Variants in CYSLTR1 observed in about 807,000 individuals in gnomAD.
CYSLTR1 encodes cysteinyl leukotriene receptor 1.
In CYSLTR1, 1 loss-of-function variant was observed where a neutral mutation model predicts 2.1. The observed-to-expected ratio is 0.48, with a 90% CI of 0.17 to 2.28. The LOEUF (loss-of-function observed/expected upper bound fraction) is 2.28. Among genes scored for constraint, CYSLTR1 ranks in the 30% most tolerant of loss-of-function variants. CYSLTR1 has a pLI of 0.26. For missense variants in CYSLTR1, 299 were observed against 250.1 expected, an observed-to-expected ratio of 1.20 and a Z score of -1.32; for synonymous variants, 110 against 89.6, an observed-to-expected ratio of 1.23 and a Z score of -1.28.
intron 1 of CYSLTR1, among the ~76,000 whole-genome samples, chrX:78,302,030 G>A (rs891018447): frequency 1.8e-5 from 2 of 111,651 alleles, no homozygotes; most frequent in African/African-American, 6.5e-5. Context: ...AACAGCACTG[G>A]AAAGACCCAA....
At chrX:78,279,460 G>A (rs1921742019) in intron 2 of CYSLTR1, among the ~76,000 whole-genome samples, 1 of 111,345 alleles carries the variant, frequency 9.0e-6, no homozygotes, top group Non-Finnish European at 1.9e-5. Flanking sequence ...ATAGATGTCG[G>A]CGAGTTTGCA....
Position 78,283,939 on chromosome X carries a change from G to T in CYSLTR1, c.-114-399C>A, listed in dbSNP as rs1246581014. Reference sequence around the variant, plus strand: ...TTTACATCCAGGGATCTGGATTGCTGGGAATAGGTGTTAGAACATTAAAAA... The same window carrying T: ...TTTACATCCAGGGATCTGGATTGCTTGGAATAGGTGTTAGAACATTAAAAA... On this transcript the variant is annotated intron_variant, in intron 1 of 2. Coordinates refer to ENST00000373304, the MANE Select transcript of CYSLTR1 (RefSeq NM_006639.4). Among the ~76,000 whole-genome samples the T allele has an allele frequency of 2.7e-5, 3 of 111,932 alleles. No homozygotes were observed. In the Admixed American group the frequency reaches 2.8e-4, roughly 11 times the overall value.
intron 2 of CYSLTR1, among the ~76,000 whole-genome samples, chrX:78,274,138 G>C (rs147005483): frequency 1.4e-3 from 157 of 111,425 alleles, no homozygotes; most frequent in African/African-American, 5.0e-3. Flanking sequence ...TTAAGAAGCA[G>C]TTTCACATGT....
intron 1 of CYSLTR1, among the ~76,000 whole-genome samples, chrX:78,304,522 T>C (rs1203189219): frequency 1.8e-5 from 2 of 108,765 alleles, no homozygotes; most frequent in African/African-American, 6.7e-5. Flanking sequence ...CCACCAAGAG[T>C]TTTGCCTAGG....
At chrX:78,310,858 A>C (rs1163734843) in intron 1 of CYSLTR1, among the ~76,000 whole-genome samples, 1 of 110,576 alleles carries the variant, frequency 9.0e-6, no homozygotes, top group Non-Finnish European at 1.9e-5. Flanking sequence ...AGTAGTATGC[A>C]TGTGCGTGTA....
intron 1 of CYSLTR1, among the ~76,000 whole-genome samples, chrX:78,302,982 C>T (rs748280278): frequency 9.0e-6 from 1 of 111,528 alleles, no homozygotes; most frequent in East Asian, 2.8e-4. Context: ...CCCAGTTCAG[C>T]ATTAGGACTC....
chrX:78,300,803 T>C (rs1176056720), intron 1 of CYSLTR1, among the ~76,000 whole-genome samples: 1 of 112,756 alleles, frequency 8.9e-6, no homozygotes, highest in Non-Finnish European at 1.9e-5. Context: ...GATGTTTTTC[T>C]AAATTGGAGT....
At chrX:78,282,736 A>G (rs1466305435) in intron 2 of CYSLTR1, among the ~76,000 whole-genome samples, 4 of 111,747 alleles carry the variant, frequency 3.6e-5, no homozygotes, top group African/African-American at 1.3e-4. Flanking sequence ...CCCTGTATCT[A>G]AAAAATAAAA....
In CYSLTR1 at chrX:78,272,740, T is replaced by C. The variant is rs759522100; in HGVS notation, c.1007A>G (p.Lys336Arg). ...ACTGGAAATGGGTTTAAACTATACT[T>C]TACATATTTCTTCTCCTTTTTCTGG... Reference protein sequence around the residue: ...SLPEKGEEICKV With the variant: ...SLPEKGEEICRV The change falls in exon 3 of 3, where the codon AAA (lysine) becomes AGA (arginine). Residue 336 changes from lysine to arginine, a missense_variant. By Grantham distance (26) the Lys-to-Arg change is conservative. Coordinates refer to ENST00000373304, the MANE Select transcript of CYSLTR1 (RefSeq NM_006639.4). 1 of 1,191,677 alleles carries C rather than the reference T, an allele frequency of 8.4e-7. No homozygotes were observed. The highest frequency in any genetic ancestry group is 1.9e-5 in the South Asian group (1 of 52,980).
chrX:78,294,394 C>T (rs1490167206), intron 1 of CYSLTR1, among the ~76,000 whole-genome samples: 2 of 112,482 alleles, frequency 1.8e-5, no homozygotes, highest in African/African-American at 6.5e-5. Context: ...GTCTGTCGGC[C>T]CCTACTGGGA....
intron 1 of CYSLTR1, among the ~76,000 whole-genome samples, chrX:78,286,208 G>T (rs1243478284): frequency 9.0e-6 from 1 of 111,004 alleles, no homozygotes; most frequent in Non-Finnish European, 1.9e-5. Context: ...GCTTCGGGAG[G>T]GTGAGATGGG....
intron 1 of CYSLTR1, among the ~76,000 whole-genome samples, chrX:78,295,329 C>A: frequency 9.3e-6 from 1 of 107,912 alleles, no homozygotes; most frequent in African/African-American, 3.4e-5. Context: ...ATAGTGCTGC[C>A]ACAAACAGAA....
chrX:78,309,717 T>C (rs1313523791), intron 1 of CYSLTR1, among the ~76,000 whole-genome samples: 1 of 111,893 alleles, frequency 8.9e-6, no homozygotes, highest in East Asian at 2.8e-4. Flanking sequence ...CTGTTTGGGA[T>C]TGAATGACTT....
chrX:78,310,415 CTT>C (rs1410553211), intron 1 of CYSLTR1, among the ~76,000 whole-genome samples: 1 of 111,943 alleles, frequency 8.9e-6, no homozygotes, highest in African/African-American at 3.2e-5. Flanking sequence ...AAGACAATCT[CTT>C]ATATCACCTC....
intron 1 of CYSLTR1, among the ~76,000 whole-genome samples, chrX:78,284,592 G>A (rs983567184): frequency 9.2e-6 from 1 of 108,749 alleles, no homozygotes; most frequent in Admixed American, 9.8e-5. Flanking sequence ...GTAGAGATGA[G>A]GTTTCACCAT....
rs1277587225 is a variant in CYSLTR1 at position 78,281,200 on chromosome X, C to T, written c.-28+2254G>A. On this transcript the variant is annotated intron_variant, in intron 2 of 2. Transcript: ENST00000373304. Reference sequence around the variant, plus strand: ...TGGCTGACCTAATTTACACTCCCACCAACAGTGTATAAGTGTTTTTTTTTT... The same window carrying T: ...TGGCTGACCTAATTTACACTCCCACTAACAGTGTATAAGTGTTTTTTTTTT... 8.1e-5 allele frequency among the ~76,000 whole-genome samples: 9 copies of T among 110,893 alleles called. No individual in the cohort carries two copies. The Admixed American group carries it at 8.6e-4, about 11-fold the overall frequency.
Position 78,283,398 on chromosome X carries a change from T to A in CYSLTR1, c.-28+56A>T, listed in dbSNP as rs1341732128. On this transcript the variant is annotated intron_variant, in intron 2 of 2. Coordinates refer to ENST00000373304, the MANE Select transcript of CYSLTR1 (RefSeq NM_006639.4). ...ATGAGAATAATGAAGTAAGTTACTT[T>A]GTTAAGATAACTGCAAGTTGAAAAA... 3 of 112,822 alleles carry A rather than the reference T, an allele frequency of 2.7e-5. No homozygotes were observed. In the East Asian group the frequency reaches 8.3e-4, roughly 31 times the overall value. The allele number at this position is 112,822 out of a possible 1,213,427, so 9.3% of individuals were successfully genotyped here.
intron 1 of CYSLTR1, among the ~76,000 whole-genome samples, chrX:78,294,954 C>T (rs937168734): frequency 5.3e-5 from 6 of 112,339 alleles, no homozygotes; most frequent in East Asian, 2.8e-4. Flanking sequence ...GGTGACAACC[C>T]GCCCCACTTC....
At chrX:78,280,531 G>A (rs751785362) in intron 2 of CYSLTR1, among the ~76,000 whole-genome samples, 15 of 106,780 alleles carry the variant, frequency 1.4e-4, no homozygotes, top group Non-Finnish European at 2.5e-4. Flanking sequence ...GTGTTGGGGG[G>A]GGGGTAAGAA....
Sources: gnomAD v4.1 joint callset for allele counts (sites outside exome capture counted in the v4.1 genomes callset) on GRCh38, gnomAD v4.1.1 for gene constraint, MANE v1.5 for transcripts, NCBI Gene and HGNC (gene_info 2026-07-23, HGNC 2026-07-21) for gene names.